Variants in KHDRBS2 observed in about 807,000 individuals in gnomAD.
The protein encoded by KHDRBS2 is KH RNA binding domain containing, signal transduction associated 2.
In KHDRBS2, 26 loss-of-function variants were observed where a neutral mutation model predicts 44.3. That is an observed-to-expected ratio of 0.59 (90% confidence interval 0.43 to 0.81). The LOEUF is 0.81. KHDRBS2 is among the 40% of genes least tolerant of loss of function. KHDRBS2 has a pLI of 0.00. For missense variants in KHDRBS2, 476 were observed against 433.1 expected (o/e 1.10, Z -0.88); for synonymous variants, 194 against 151.1 (o/e 1.28, Z -2.08).
the KHDRBS2 span, among the ~76,000 whole-genome samples, chr6:61,543,962 G>C: frequency 6.6e-6 from 1 of 151,986 alleles, no homozygotes; most frequent in East Asian, 1.9e-4. Context: ...GAAGGGTAAT[G>C]GGGCTGTAGG....
intron 4 of KHDRBS2, among the ~76,000 whole-genome samples, chr6:61,977,518 T>G (rs1367462760): frequency 6.6e-6 from 1 of 152,152 alleles, no homozygotes; most frequent in East Asian, 1.9e-4. Flanking sequence ...CAATTTTTGT[T>G]TAAAGTCAAC....
chr6:61,968,304 G>C (rs572809736), intron 4 of KHDRBS2, among the ~76,000 whole-genome samples: 1 of 151,996 alleles, frequency 6.6e-6, no homozygotes, highest in Non-Finnish European at 1.5e-5. Flanking sequence ...TCCTGAAAAT[G>C]TTTGGCAATG....
intron 2 of KHDRBS2, among the ~76,000 whole-genome samples, chr6:62,076,959 T>C (rs1317897168): frequency 6.6e-6 from 1 of 151,798 alleles, no homozygotes; most frequent in Non-Finnish European, 1.5e-5. Context: ...GGTGGGAGAA[T>C]CACATGAGTC....
intron 2 of KHDRBS2, among the ~76,000 whole-genome samples, chr6:62,067,761 A>G (rs749252665): frequency 4.0e-5 from 6 of 151,588 alleles, no homozygotes; most frequent in Non-Finnish European, 7.4e-5. Flanking sequence ...TTAAACATCC[A>G]TTAATCTACT....
chr6:62,015,550 A>T (rs1781058099), intron 3 of KHDRBS2, among the ~76,000 whole-genome samples: 1 of 152,118 alleles, frequency 6.6e-6, no homozygotes, highest in Non-Finnish European at 1.5e-5. Context: ...TCCATCTAAA[A>T]GTCCCCTGAT....
At chr6:62,143,531 G>A (rs1813298106) in intron 2 of KHDRBS2, among the ~76,000 whole-genome samples, 1 of 151,892 alleles carries the variant, frequency 6.6e-6, no homozygotes, top group Non-Finnish European at 1.5e-5. Flanking sequence ...TCTATGGCCA[G>A]GTATCACTCT....
the KHDRBS2 span, among the ~76,000 whole-genome samples, chr6:61,590,395 T>G: frequency 6.6e-6 from 1 of 152,180 alleles, no homozygotes; most frequent in Non-Finnish European, 1.5e-5. Flanking sequence ...CAAGGTGACA[T>G]TGACCTTGGT....
At chr6:62,106,664 C>A (rs1360675164) in intron 2 of KHDRBS2, among the ~76,000 whole-genome samples, 1 of 152,048 alleles carries the variant, frequency 6.6e-6, no homozygotes, top group Admixed American at 6.6e-5. Context: ...GACCAATATC[C>A]TTGATGAACA....
chr6:62,156,392 G>A (rs901986758), intron 2 of KHDRBS2, among the ~76,000 whole-genome samples: 2 of 151,898 alleles, frequency 1.3e-5, no homozygotes, highest in Non-Finnish European at 1.5e-5. Context: ...CATTTATTTG[G>A]CCAGTTCGGT....
At chr6:62,285,807 G>A (rs1842405135) in intron 1 of KHDRBS2, 51 bp downstream of exon 1, 19 of 1,324,862 alleles carry the variant, frequency 1.4e-5, no homozygotes, top group East Asian at 2.4e-5. Context: ...TCAAGCCGCG[G>A]GTGAGATAGG....
intron 4 of KHDRBS2, among the ~76,000 whole-genome samples, chr6:61,917,076 C>T (rs1224548397): frequency 2.1e-5 from 3 of 145,722 alleles, no homozygotes; most frequent in African/African-American, 7.6e-5. Flanking sequence ...ACCATATGAT[C>T]CAGCAATTGT....
At chr6:61,553,760 A>G in the KHDRBS2 span, among the ~76,000 whole-genome samples, 131 of 152,194 alleles carry the variant, frequency 8.6e-4, 2 homozygotes, top group East Asian at 0.02. Flanking sequence ...TTATTTACCA[A>G]AAAGTTATTC....
chr6:61,634,863 A>T, the KHDRBS2 span, among the ~76,000 whole-genome samples: 1 of 152,074 alleles, frequency 6.6e-6, no homozygotes, highest in Admixed American at 6.6e-5. Context: ...TTGATAAATG[A>T]ACAACATCTG....
chr6:61,734,132 C>T (rs767534115), intron 6 of KHDRBS2, among the ~76,000 whole-genome samples: 2 of 152,114 alleles, frequency 1.3e-5, no homozygotes, highest in Non-Finnish European at 2.9e-5. Flanking sequence ...TTCATTTTCA[C>T]GTGGTCTTAC....
chr6:61,939,380 AT>A (rs1278621862), intron 4 of KHDRBS2, among the ~76,000 whole-genome samples: 1 of 152,116 alleles, frequency 6.6e-6, no homozygotes, highest in African/African-American at 2.4e-5. Flanking sequence ...GAAATTAATT[AT>A]TTTTATGGTT....
At chr6:61,821,472 A>G (rs1241718108) in intron 6 of KHDRBS2, among the ~76,000 whole-genome samples, 1 of 152,040 alleles carries the variant, frequency 6.6e-6, no homozygotes, top group Non-Finnish European at 1.5e-5. Flanking sequence ...ATGTGGAAAC[A>G]TTTTAATGCT....
intron 3 of KHDRBS2, among the ~76,000 whole-genome samples, chr6:62,033,388 A>C (rs1415361241): frequency 3.3e-5 from 5 of 151,976 alleles, no homozygotes; most frequent in African/African-American, 1.2e-4. Context: ...AGATTTAACC[A>C]AAAGAAGACT....
chr6:61,714,144 A>G (rs761858359), intron 7 of KHDRBS2, among the ~76,000 whole-genome samples: 1 of 148,796 alleles, frequency 6.7e-6, no homozygotes, highest in Non-Finnish European at 1.5e-5. Context: ...AAAACTATTC[A>G]TTTAACAAAG....
At chr6:61,718,698 A>G (rs1771844914) in intron 7 of KHDRBS2, among the ~76,000 whole-genome samples, 1 of 152,060 alleles carries the variant, frequency 6.6e-6, no homozygotes, top group East Asian at 1.9e-4. Context: ...ATTCTGAAGT[A>G]GAGGTCTCAG....
Sources: gnomAD v4.1 joint callset for allele counts (sites outside exome capture counted in the v4.1 genomes callset) on GRCh38, gnomAD v4.1.1 for gene constraint, MANE v1.5 for transcripts, NCBI Gene and HGNC (gene_info 2026-07-23, HGNC 2026-07-21) for gene names.